The following SNTG2 variants were observed in gnomAD, a reference collection of about 807,000 sequenced individuals.
The protein encoded by SNTG2 is syntrophin gamma 2.
SNTG2 carries 74 observed loss-of-function variants against 70.9 expected under a neutral mutation model. The ratio of observed to expected loss-of-function variants is 1.04; its 90% CI spans 0.86 to 1.27. The LOEUF is 1.27. SNTG2 is among the 50% of genes most tolerant of loss of function. SNTG2 has a pLI of 0.00. For missense variants in SNTG2, 717 were observed against 690.7 expected, an observed-to-expected ratio of 1.04 and a Z score of -0.43; for synonymous variants, 278 against 273.8, an observed-to-expected ratio of 1.02 and a Z score of -0.15.
At chr2:1,055,815 T>A (rs1662355819) in intron 1 of SNTG2, among the ~76,000 whole-genome samples, 1 of 152,184 alleles carries the variant, frequency 6.6e-6, no homozygotes, top group Non-Finnish European at 1.5e-5. Context: ...TGAATTGTAT[T>A]TTCCATTCAG....
chr2:1,186,139 G>A (rs996703111), intron 8 of SNTG2, among the ~76,000 whole-genome samples: 7 of 133,650 alleles, frequency 5.2e-5, no homozygotes, highest in Non-Finnish European at 1.1e-4. Context: ...CTAGAGCAGG[G>A]GCACAATGCC....
At chr2:1,279,654 G>A (rs1012748811) in intron 14 of SNTG2, among the ~76,000 whole-genome samples, 1 of 152,230 alleles carries the variant, frequency 6.6e-6, no homozygotes, top group African/African-American at 2.4e-5. Context: ...CATCTCTGAT[G>A]TGCTGCGTGC....
chr2:1,098,216 C>A lies in SNTG2; in HGVS notation c.231C>A (p.Arg77=). Reference sequence around the variant, plus strand: ...TAAAGCGCAGAACTGTTACACTCCGCAGACAGCCAGTTGGCGGCTTGGGCC... The same window carrying A: ...TAAAGCGCAGAACTGTTACACTCCGAAGACAGCCAGTTGGCGGCTTGGGCC... The part of the protein sequence containing the change: ...QGRNRRTVTL[R]RQPVGGLGLS... Residue 77 remains arginine (R), a synonymous_variant, in exon 3 of 17, where the codon CGC becomes CGA. Transcript: ENST00000308624. The A allele has an allele frequency of 6.2e-7, 1 of 1,614,042 alleles. No homozygotes were observed. Among genetic ancestry groups the A allele is most frequent in the South Asian group, 1.1e-5 (1 of 91,086 alleles).
chr2:1,015,774 G>A (rs964668822), intron 1 of SNTG2, among the ~76,000 whole-genome samples: 5 of 152,216 alleles, frequency 3.3e-5, no homozygotes, highest in Admixed American at 2.6e-4. Flanking sequence ...TTCTCTAGAA[G>A]AATTGAAGAC....
intron 1 of SNTG2, among the ~76,000 whole-genome samples, chr2:1,024,983 G>A (rs1310529228): frequency 6.6e-6 from 1 of 152,182 alleles, no homozygotes; most frequent in Non-Finnish European, 1.5e-5. Flanking sequence ...ATATTGTCAA[G>A]ATCTGCTACA....
intron 16 of SNTG2, chr2:1,341,263 T>A (rs565665795): frequency 3.9e-5 from 6 of 152,096 alleles, no homozygotes; most frequent in Non-Finnish European, 8.8e-5. Flanking sequence ...TTGTTCCCCA[T>A]GAAAAAGGGC....
intron 14 of SNTG2, among the ~76,000 whole-genome samples, chr2:1,269,798 T>C (rs1285287831): frequency 1.3e-5 from 2 of 152,062 alleles, no homozygotes; most frequent in Admixed American, 6.6e-5. Flanking sequence ...AATCCAGGAT[T>C]GAGATAATGA....
intron 1 of SNTG2, among the ~76,000 whole-genome samples, chr2:978,022 A>G (rs180964598): frequency 6.6e-6 from 1 of 152,332 alleles, no homozygotes; most frequent in East Asian, 1.9e-4. Flanking sequence ...CTTCTCTTGT[A>G]TATTTATTCA....
intron 4 of SNTG2, among the ~76,000 whole-genome samples, chr2:1,134,142 C>T (rs528579182): frequency 2.0e-5 from 3 of 152,082 alleles, no homozygotes; most frequent in Admixed American, 1.3e-4. Context: ...AGCTGGAGAC[C>T]TTTGCGGTGA....
rs141319337 is a variant in SNTG2 at position 1,193,130 on chromosome 2, C to T, written c.592-15973C>T. Among the ~76,000 whole-genome samples, 1,355 of 152,320 alleles carry T rather than the reference C, an allele frequency of 8.9e-3. 21 individuals carry two copies. Among genetic ancestry groups the T allele is most frequent in the African/African-American group, 0.031 (1,292 of 41,576 alleles). On this transcript the variant is annotated intron_variant, in intron 8 of 16. Coordinates refer to ENST00000308624, the MANE Select transcript of SNTG2 (RefSeq NM_018968.4). ...ATTACATAGTCTGCAGCAGGCCCCC[C>T]AAATTCCTCATTGTTGTAATAGCTT...
chr2:1,355,205 C>T (rs1229797120), intron 16 of SNTG2, among the ~76,000 whole-genome samples: 1 of 152,218 alleles, frequency 6.6e-6, no homozygotes. Flanking sequence ...TGTGTGGTAA[C>T]AAGCACATGA....
chr2:1,143,428 A>C (rs1487052870), intron 6 of SNTG2, among the ~76,000 whole-genome samples: 1 of 151,992 alleles, frequency 6.6e-6, no homozygotes, highest in Non-Finnish European at 1.5e-5. Flanking sequence ...GCCCTTATCC[A>C]ACACTAAACT....
intron 1 of SNTG2, among the ~76,000 whole-genome samples, chr2:1,027,351 A>C (rs1660535286): frequency 6.8e-6 from 1 of 147,636 alleles, no homozygotes; most frequent in Non-Finnish European, 1.5e-5. Flanking sequence ...TGTATCATTG[A>C]AGGTGTGTCT....
chr2:1,311,197 A>G (rs1680971751), intron 15 of SNTG2, among the ~76,000 whole-genome samples: 1 of 152,218 alleles, frequency 6.6e-6, no homozygotes, highest in South Asian at 2.1e-4. Context: ...TAAAGATTCA[A>G]TGAAGACGTC....
At chr2:1,319,640 A>G (rs1198340798) in intron 16 of SNTG2, among the ~76,000 whole-genome samples, 3 of 152,214 alleles carry the variant, frequency 2.0e-5, no homozygotes, top group Non-Finnish European at 4.4e-5. Context: ...AGGGCCTCAC[A>G]GCTTACACAG....
At position 1,326,632 on chromosome 2, in the gene SNTG2, T is replaced by C. The variant is rs1382470297; in HGVS notation, c.1488+10257T>C. Among the ~76,000 whole-genome samples, 5 of 152,154 alleles carry C rather than the reference T, an allele frequency of 3.3e-5. No individual in the cohort carries two copies. The East Asian group carries it at 9.6e-4, about 29-fold the overall frequency. Reference sequence around the variant, plus strand: ...CACCCTTTTTGCAATCTACTCTGAATGTAAATGAAAAATCTTTTACTATCT... The same window carrying C: ...CACCCTTTTTGCAATCTACTCTGAACGTAAATGAAAAATCTTTTACTATCT... On this transcript the variant is annotated intron_variant, in intron 16 of 16. Transcript: ENST00000308624.
chr2:1,234,089 A>G (rs550065370), intron 9 of SNTG2, among the ~76,000 whole-genome samples: 5 of 152,192 alleles, frequency 3.3e-5, no homozygotes, highest in Non-Finnish European at 7.3e-5. Flanking sequence ...AGCGGCCACC[A>G]TGAGGCGGGT....
Position 1,056,936 on chromosome 2 carries a change from G to GGGAGAA in SNTG2, c.73-26582_73-26581insGGAGAA. On this transcript the variant is annotated intron_variant, in intron 1 of 16. Transcript: ENST00000308624. The stretch of plus-strand genomic sequence containing the variant: ...TGTGCTGTGGGGAGGGAGGGAGGGA[G>GGGAGAA]AGCGCGGCGCCCCGCTGTGGGGAGG... 5.9e-5 allele frequency among the ~76,000 whole-genome samples: 5 copies of GGGAGAA among 84,164 alleles called. 1 individual carries two copies. The highest frequency in any genetic ancestry group is 2.1e-4 in the Admixed American group (2 of 9,648). The allele number at this position is 84,164 out of a possible 152,430, so 55.2% of individuals were successfully genotyped here.
chr2:1,194,055 G>A (rs1672757947), intron 8 of SNTG2, among the ~76,000 whole-genome samples: 1 of 152,200 alleles, frequency 6.6e-6, no homozygotes, highest in Non-Finnish European at 1.5e-5. Context: ...GTGTGCACAG[G>A]GCAGGAATCC....
Sources: allele counts gnomAD v4.1 joint callset (sites outside exome capture counted in the v4.1 genomes callset), GRCh38; gene constraint gnomAD v4.1.1; transcripts MANE v1.5; gene names NCBI Gene and HGNC (gene_info 2026-07-23, HGNC 2026-07-21).